Variants in NRCAM observed in about 807,000 individuals in gnomAD.
NRCAM encodes the protein neuronal cell adhesion molecule.
NRCAM carries 83 observed loss-of-function variants against 156.5 expected under a neutral mutation model. That is an observed-to-expected ratio of 0.53 (90% CI 0.44 to 0.64). NRCAM has a LOEUF of 0.64. Among genes scored for constraint, NRCAM ranks in the 30% least tolerant of loss-of-function variants. The pLI is 0.00. For synonymous variants in NRCAM, 538 were observed against 563.9 expected, an observed-to-expected ratio of 0.95 and a Z score of 0.65; for missense variants, 1,417 against 1,597.3, an observed-to-expected ratio of 0.89 and a Z score of 1.92.
intron 2 of NRCAM, among the ~76,000 whole-genome samples, chr7:108,347,159 TC>T (rs1270377038): frequency 6.9e-6 from 1 of 144,456 alleles, no homozygotes; most frequent in Admixed American, 7.2e-5. Flanking sequence ...TGCCTCAGCC[TC>T]CCAAGTAGCT....
chr7:108,455,991 GTGCCTTC>G (rs1856954321), intron 1 of NRCAM, among the ~76,000 whole-genome samples: 2 of 152,218 alleles, frequency 1.3e-5, no homozygotes, highest in Non-Finnish European at 2.9e-5. Context: ...GATTTCAGCT[GTGCCTTC>G]ACCCAAGCGC....
chr7:108,428,329 C>T lies in NRCAM; in HGVS notation c.-332+27914G>A, dbSNP rs556833910. Among the ~76,000 whole-genome samples the T allele has an allele frequency of 2.6e-5, 4 of 152,250 alleles. No individual in the cohort carries two copies. In the South Asian group the frequency reaches 8.3e-4, roughly 32 times the overall value. ...ACATAGCCTGTATCAGTTGTGCCTA[C>T]ATATATTAGTGAAAGTATACAGGTG... On this transcript the variant is annotated intron_variant, in intron 1 of 32. Transcript: ENST00000379028.
chr7:108,331,761 C>T (rs375069378), intron 2 of NRCAM, among the ~76,000 whole-genome samples: 18 of 152,272 alleles, frequency 1.2e-4, no homozygotes, highest in South Asian at 6.2e-4. Flanking sequence ...TGGAGCTACT[C>T]GTTTACCTTC....
intron 2 of NRCAM, among the ~76,000 whole-genome samples, chr7:108,353,329 T>TTTC (rs920850925): frequency 9.2e-5 from 14 of 152,178 alleles, no homozygotes; most frequent in Non-Finnish European, 1.3e-4. Flanking sequence ...TTCTTCCTTC[T>TTTC]TTCTTCTTCT....
At chr7:108,247,701 T>C (rs2096050143) in intron 3 of NRCAM, among the ~76,000 whole-genome samples, 1 of 151,594 alleles carries the variant, frequency 6.6e-6, no homozygotes, top group African/African-American at 2.4e-5. Context: ...AAGATTAAGG[T>C]AGAGAACAGG....
At chr7:108,433,886 T>C (rs1436175832) in intron 1 of NRCAM, among the ~76,000 whole-genome samples, 1 of 152,230 alleles carries the variant, frequency 6.6e-6, no homozygotes, top group African/African-American at 2.4e-5. Flanking sequence ...ACATCATGTA[T>C]GTGTTTCAAA....
intron 1 of NRCAM, among the ~76,000 whole-genome samples, chr7:108,414,692 T>C (rs560892133): frequency 6.6e-6 from 1 of 152,094 alleles, no homozygotes; most frequent in South Asian, 2.1e-4. Flanking sequence ...GGGCCCAGAA[T>C]AAAACAAAAA....
chr7:108,160,383 T>G lies in NRCAM; in HGVS notation c.3576A>C (p.Arg1192Ser). ...TACCTGGATATTTACCACCCTTGTT[T>G]CTTCTGATGAAGCAAACAATCAGCA... ...LILLIVCFIR[R>S]NKGGKYPVKE... Residue 1192 changes from arginine to serine, a missense_variant, in exon 31 of 33, where the codon AGA (arginine) becomes AGC (serine). This residue lies in a region of NRCAM where 179 missense variants were observed against 260.9 expected (regional missense o/e 0.69). Coordinates refer to ENST00000379028, the MANE Select transcript of NRCAM (RefSeq NM_001037132.4). 1 of 1,613,610 alleles carries G rather than the reference T, an allele frequency of 6.2e-7. No individual in the cohort carries two copies. Among genetic ancestry groups the G allele is most frequent in the South Asian group, 1.1e-5 (1 of 91,022 alleles).
At position 108,234,552 on chromosome 7, in the gene NRCAM, A is replaced by C. The variant is rs1369819933; in HGVS notation, c.230+31T>G. 3 of 1,237,674 alleles carry C rather than the reference A, an allele frequency of 2.4e-6. No individual in the cohort carries two copies. In the South Asian group the frequency reaches 3.8e-5, roughly 15 times the overall value. 76.7% of individuals were successfully genotyped at this position (1,237,674 alleles called of 1,614,324 possible). On this transcript the variant is annotated intron_variant, in intron 6 of 32. Coordinates refer to ENST00000379028, the MANE Select transcript of NRCAM (RefSeq NM_001037132.4). ...CAGAGAGATTTCCTGATTTATTCTC[A>C]GTACTATAACAAAGCAGAATGCACA... is the stretch of plus-strand genomic sequence containing the variant.
intron 32 of NRCAM, among the ~76,000 whole-genome samples, chr7:108,151,400 C>T (rs1339166739): frequency 6.6e-6 from 1 of 151,856 alleles, no homozygotes; most frequent in Non-Finnish European, 1.5e-5. Flanking sequence ...CTTTACTGCT[C>T]CCTCTGTTTC....
intron 2 of NRCAM, among the ~76,000 whole-genome samples, chr7:108,354,234 T>G (rs2099460399): frequency 1.3e-5 from 2 of 152,176 alleles, no homozygotes; most frequent in Admixed American, 1.3e-4. Context: ...CTAAAGCAAT[T>G]CACCATACAA....
At chr7:108,410,294 T>C (rs1312516676) in intron 1 of NRCAM, among the ~76,000 whole-genome samples, 1 of 152,366 alleles carries the variant, frequency 6.6e-6, no homozygotes, top group Non-Finnish European at 1.5e-5. Context: ...TATTAAGAAT[T>C]GTCTTGTTAT....
Position 108,149,968 on chromosome 7 carries a change from T to C in NRCAM, c.3857A>G (p.Glu1286Gly), listed in dbSNP as rs1432821689. Residue 1286 changes from glutamate (E) to glycine (G), a missense_variant, in exon 33 of 33, where the codon GAA becomes GGA. Physicochemically the swap from Glu to Gly is moderately conservative, Grantham distance 98. Coordinates refer to ENST00000379028, the MANE Select transcript of NRCAM (RefSeq NM_001037132.4). ...YSGKKEKEPA[E>G]GNESSEAPSP... ...AGGTGCCTCTGAGCTTTCGTTTCCTTCAGCCGGCTCTTTCTCTTTCTTACC... is the reference window on the plus strand; with the variant it reads ...AGGTGCCTCTGAGCTTTCGTTTCCTCCAGCCGGCTCTTTCTCTTTCTTACC... 6.2e-7 allele frequency: 1 copy of C among 1,614,022 alleles called. No homozygotes were observed. Among genetic ancestry groups the C allele is most frequent in the Non-Finnish European group, 8.5e-7 (1 of 1,179,948 alleles).
At chr7:108,305,332 T>C in intron 3 of NRCAM, among the ~76,000 whole-genome samples, 1 of 152,208 alleles carries the variant, frequency 6.6e-6, no homozygotes, top group South Asian at 2.1e-4. Context: ...ACTTGGAACG[T>C]AGATATATTT....
At chr7:108,277,935 T>C (rs1180205745) in intron 3 of NRCAM, among the ~76,000 whole-genome samples, 1 of 152,240 alleles carries the variant, frequency 6.6e-6, no homozygotes, top group African/African-American at 2.4e-5. Context: ...GTAGATGTCC[T>C]TTTCATTGAT....
At chr7:108,370,271 T>C (rs1389076556) in intron 2 of NRCAM, among the ~76,000 whole-genome samples, 4 of 152,174 alleles carry the variant, frequency 2.6e-5, no homozygotes, top group Admixed American at 2.6e-4. Flanking sequence ...AAGTTAAAGC[T>C]GTTCTAGACA....
At chr7:108,249,623 G>A (rs1259116614) in intron 3 of NRCAM, among the ~76,000 whole-genome samples, 1 of 152,194 alleles carries the variant, frequency 6.6e-6, no homozygotes, top group Admixed American at 6.5e-5. Flanking sequence ...TTTCTTGGAA[G>A]TTAAATATTA....
intron 2 of NRCAM, among the ~76,000 whole-genome samples, chr7:108,333,564 A>T (rs2099148329): frequency 6.6e-6 from 1 of 152,196 alleles, no homozygotes; most frequent in African/African-American, 2.4e-5. Flanking sequence ...TTAGAAAAAA[A>T]TTTAACAAAT....
intron 19 of NRCAM, 28 bp from the exon 20 acceptor site, chr7:108,189,774 G>C: frequency 1.2e-6 from 1 of 826,068 alleles, no homozygotes; most frequent in Non-Finnish European, 2.1e-6. Context: ...ACACATCATG[G>C]TCACGCATCC....
Sources: allele counts gnomAD v4.1 joint callset (sites outside exome capture counted in the v4.1 genomes callset), GRCh38; gene constraint gnomAD v4.1.1; regional missense constraint gnomAD v4.1.1; transcripts MANE v1.5; gene names NCBI Gene and HGNC (gene_info 2026-07-23, HGNC 2026-07-21).